The following FSTL5 variants were observed in gnomAD, a reference collection of about 807,000 sequenced individuals.
FSTL5 encodes the protein follistatin-related protein 5.
Under a neutral mutation model 89.1 loss-of-function variants are expected in FSTL5, and 62 were observed. The ratio of observed to expected loss-of-function variants is 0.70; its 90% CI spans 0.57 to 0.86. The LOEUF (loss-of-function observed/expected upper bound fraction) is 0.86, where lower values mean the gene tolerates loss of function less well. Among genes scored for constraint, FSTL5 ranks in the 40% least tolerant of loss-of-function variants. The probability of loss-of-function intolerance (pLI) is 0.00; values close to 1 mark genes in which losing one functional copy is unlikely to be tolerated. For synonymous variants in FSTL5, 383 were observed against 346.2 expected (o/e 1.11, Z -1.18); for missense variants, 1,057 against 1,001.6 (o/e 1.06, Z -0.75).
chr4:161,812,631 C>A (rs978744239), intron 4 of FSTL5, among the ~76,000 whole-genome samples: 2 of 152,000 alleles, frequency 1.3e-5, no homozygotes, highest in Non-Finnish European at 2.9e-5. Flanking sequence ...AGGAAGTCCC[C>A]ATCAATTGTT....
chr4:162,021,578 T>C (rs6536632), intron 3 of FSTL5, among the ~76,000 whole-genome samples: 57,439 of 151,902 alleles, frequency 0.38, 11,129 homozygotes, highest in Middle Eastern at 0.54. Flanking sequence ...AAATAAATCA[T>C]AACCAATAGA....
intron 12 of FSTL5, among the ~76,000 whole-genome samples, chr4:161,481,625 G>T (rs977926933): frequency 6.6e-6 from 1 of 152,110 alleles, no homozygotes; most frequent in African/African-American, 2.4e-5. Context: ...AGACTGCAGG[G>T]TTCTTTTAAT....
chr4:162,094,682 T>C (rs1267718927), intron 2 of FSTL5, among the ~76,000 whole-genome samples: 2 of 152,182 alleles, frequency 1.3e-5, no homozygotes, highest in Non-Finnish European at 2.9e-5. Context: ...TAATTCATAG[T>C]GAAATATATG....
chr4:161,570,546 C>A (rs1732969593), intron 8 of FSTL5, among the ~76,000 whole-genome samples: 1 of 151,938 alleles, frequency 6.6e-6, no homozygotes, highest in South Asian at 2.1e-4. Context: ...ACATTGGGAG[C>A]CAATGGGATT....
intron 6 of FSTL5, among the ~76,000 whole-genome samples, chr4:161,716,890 G>A (rs951081040): frequency 2.6e-5 from 4 of 152,090 alleles, no homozygotes; most frequent in African/African-American, 9.7e-5. Flanking sequence ...TTTTATCCAG[G>A]TCAGGGCAGA....
chr4:161,600,401 G>A (rs1021343579), intron 7 of FSTL5, among the ~76,000 whole-genome samples: 1 of 151,686 alleles, frequency 6.6e-6, no homozygotes, highest in Non-Finnish European at 1.5e-5. Flanking sequence ...CATTGGTAAG[G>A]GCATATTTTC....
intron 15 of FSTL5, among the ~76,000 whole-genome samples, chr4:161,401,057 T>C (rs1206611287): frequency 6.6e-6 from 1 of 152,148 alleles, no homozygotes; most frequent in Non-Finnish European, 1.5e-5. Context: ...ATGTGCAATT[T>C]AGTGACTGAA....
In FSTL5 at chr4:161,448,851, C is replaced by A. The variant is rs185275802; in HGVS notation, c.1841+6153G>T. Among the ~76,000 whole-genome samples, 23 of 152,264 alleles carry A rather than the reference C, an allele frequency of 1.5e-4. No homozygotes were observed. The East Asian group carries it at 3.9e-3, about 26-fold the overall frequency. ...TGCCTTCCAGCTACCCTTGTCCTTT[C>A]CAGTCCATTCAAATTGAAGAGTAAC... is the stretch of plus-strand genomic sequence containing the variant. On this transcript the variant is annotated intron_variant, in intron 15 of 15. Transcript: ENST00000306100.
intron 2 of FSTL5, among the ~76,000 whole-genome samples, chr4:162,086,977 T>C (rs941042274): frequency 6.6e-6 from 1 of 152,074 alleles, no homozygotes; most frequent in Non-Finnish European, 1.5e-5. Context: ...ATAACCTTCA[T>C]ATGATGATAA....
chr4:161,425,934 ATT>A (rs201056664), intron 15 of FSTL5, among the ~76,000 whole-genome samples: 13 of 145,604 alleles, frequency 8.9e-5, no homozygotes, highest in East Asian at 2.0e-4. Flanking sequence ...TGCTGTAGGG[ATT>A]TTTTTTTTTT....
intron 8 of FSTL5, among the ~76,000 whole-genome samples, chr4:161,564,359 C>CTA (rs200741752): frequency 2.5e-4 from 38 of 149,440 alleles, no homozygotes; most frequent in Admixed American, 8.1e-4. Context: ...AATTGTATTC[C>CTA]TATATATATA....
At chr4:161,442,719 G>A (rs1732814088) in intron 15 of FSTL5, among the ~76,000 whole-genome samples, 1 of 151,992 alleles carries the variant, frequency 6.6e-6, no homozygotes, top group South Asian at 2.1e-4. Context: ...TCATCCCAAG[G>A]GAAAAGGAAA....
chr4:161,993,941 T>C (rs935167985), intron 3 of FSTL5, among the ~76,000 whole-genome samples: 6 of 152,146 alleles, frequency 3.9e-5, no homozygotes, highest in African/African-American at 1.2e-4. Flanking sequence ...TGGAGGTTTG[T>C]TACATAGATA....
intron 8 of FSTL5, among the ~76,000 whole-genome samples, chr4:161,569,750 AACACACAAACAC>A (rs373567513): frequency 0.037 from 3,849 of 103,314 alleles, 66 homozygotes; most frequent in Middle Eastern, 0.053. Context: ...CTTTAAGTCC[AACACACAAACAC>A]ACACACACAC....
At chr4:162,092,069 A>G (rs934545251) in intron 2 of FSTL5, among the ~76,000 whole-genome samples, 1 of 151,920 alleles carries the variant, frequency 6.6e-6, no homozygotes, top group African/African-American at 2.4e-5. Flanking sequence ...TATTTTCACA[A>G]CTTTTTAATA....
At position 161,615,559 on chromosome 4, in the gene FSTL5, G is replaced by A. The variant is rs113427005; in HGVS notation, c.895-27984C>T. Among the ~76,000 whole-genome samples the A allele has an allele frequency of 7.1e-3, 1,070 of 150,680 alleles. 12 individuals are homozygous for A. Among genetic ancestry groups the A allele is most frequent in the African/African-American group, 0.021 (846 of 41,112 alleles). On this transcript the variant is annotated intron_variant, in intron 7 of 15. Coordinates refer to ENST00000306100, the MANE Select transcript of FSTL5 (RefSeq NM_020116.5). ...CAAACACACACACATGCATGTACAC[G>A]CACACACACACAAACTGCATTTATC...
intron 12 of FSTL5, among the ~76,000 whole-genome samples, chr4:161,492,914 C>T (rs1729933959): frequency 6.6e-6 from 1 of 151,798 alleles, no homozygotes; most frequent in Non-Finnish European, 1.5e-5. Flanking sequence ...TTTACCAATA[C>T]AAACATTTAG....
intron 7 of FSTL5, among the ~76,000 whole-genome samples, chr4:161,639,073 CT>C (rs1735844918): frequency 6.6e-6 from 1 of 151,818 alleles, no homozygotes; most frequent in Non-Finnish European, 1.5e-5. Flanking sequence ...GAAGCATTCC[CT>C]TTGAAAACTG....
chr4:161,402,822 A>C (rs1449297617), intron 15 of FSTL5, among the ~76,000 whole-genome samples: 2 of 148,942 alleles, frequency 1.3e-5, no homozygotes, highest in African/African-American at 4.9e-5. Context: ...ACTTGCCAGA[A>C]CTTTTTTTTT....
Sources: allele counts gnomAD v4.1 joint callset (sites outside exome capture counted in the v4.1 genomes callset), GRCh38; gene constraint gnomAD v4.1.1; transcripts MANE v1.5; gene names NCBI Gene and HGNC (gene_info 2026-07-23, HGNC 2026-07-21).